ERMAP: variants seen among roughly 807,000 people sequenced by gnomAD.
ERMAP encodes the protein erythroblast membrane associated protein (Scianna blood group), also known as erythroid membrane-associated protein.
ERMAP carries 34 observed loss-of-function variants against 49.5 expected under a neutral mutation model. The ratio of observed to expected loss-of-function variants is 0.69; its 90% CI spans 0.52 to 0.91. ERMAP has a LOEUF of 0.91. Among genes scored for constraint, ERMAP ranks in the 40% least tolerant of loss-of-function variants. The pLI is 0.00. For synonymous variants in ERMAP, 214 were observed against 232.2 expected (o/e 0.92, Z 0.71); for missense variants, 541 against 582.6 (o/e 0.93, Z 0.74).
intron 1 of ERMAP, 129 bp from the exon 2 acceptor site, chr1:42,825,494 A>AG (rs2124292284): frequency 1.7e-6 from 2 of 1,175,712 alleles, no homozygotes; most frequent in East Asian, 1.2e-4. Flanking sequence ...TTCTTTTATC[A>AG]GGGGCATACA....
intron 2 of ERMAP, among the ~76,000 whole-genome samples, chr1:42,829,042 C>CT (rs780227979): frequency 5.9e-5 from 9 of 152,088 alleles, no homozygotes; most frequent in Non-Finnish European, 8.8e-5. Context: ...AAATAGAGAG[C>CT]TTTTCTCATT....
intron 1 of ERMAP, chr1:42,817,673 C>G (rs1654284391): frequency 1.3e-5 from 2 of 152,722 alleles, no homozygotes; most frequent in African/African-American, 4.8e-5. Context: ...TTGGGAGGAT[C>G]AAGTGAGATC....
At chr1:42,820,433 C>T (rs1654377638) in intron 1 of ERMAP, among the ~76,000 whole-genome samples, 1 of 148,734 alleles carries the variant, frequency 6.7e-6, no homozygotes, top group Non-Finnish European at 1.5e-5. Flanking sequence ...CTATGTTGGC[C>T]AGGCTAGTCT....
At chr1:42,841,857 C>A (rs1655065453) in intron 11 of ERMAP, 1 of 152,258 alleles carries the variant, frequency 6.6e-6, no homozygotes, top group Admixed American at 6.5e-5. Context: ...GTGTCTTACT[C>A]TGTTTTCTGT....
intron 8 of ERMAP, 112 bp from the exon 9 acceptor site, chr1:42,839,921 T>C: frequency 1.9e-6 from 2 of 1,073,706 alleles, no homozygotes; most frequent in African/African-American, 1.6e-5. Context: ...AGTTCCAGGG[T>C]ATAGCTATTG....
chr1:42,842,807 C>T lies in ERMAP; in HGVS notation c.1003C>T (p.Arg335Cys), dbSNP rs757853694. The T allele has an allele frequency of 1.3e-4, 203 of 1,614,042 alleles. No individual in the cohort carries two copies. The highest frequency in any genetic ancestry group is 1.6e-4 in the Non-Finnish European group (194 of 1,180,042). The change falls in exon 12 of 12, where the codon CGT becomes TGT. Residue 335 changes from arginine (R) to cysteine (C), a missense_variant. Physicochemically the swap from Arg to Cys is radical, Grantham distance 180 (BLOSUM62 -3). Coordinates refer to ENST00000372517, the MANE Select transcript of ERMAP (RefSeq NM_001017922.2). ...TGGACACTGGCTTCTGCGACAGAGT[C>T]GTGGGAATGAGTATGAAGCTCTCAC... The part of the protein sequence containing the change: ...ANGHWLLRQS[R>C]GNEYEALTSP...
intron 11 of ERMAP, 59 bp downstream of exon 11, chr1:42,840,355 T>A (rs1655021951): frequency 6.2e-7 from 1 of 1,606,136 alleles, no homozygotes; most frequent in East Asian, 2.2e-5. Context: ...TATGGCTTTG[T>A]AACCTTAGAT....
In ERMAP at chr1:42,829,740, C is replaced by G. The variant is rs1654658499; in HGVS notation, c.-5-704C>G. On this transcript the variant is annotated intron_variant, in intron 2 of 11. Coordinates refer to ENST00000372517, the MANE Select transcript of ERMAP (RefSeq NM_001017922.2). ...TTGGCAGGCAGTATCTTTTTGAACC[C>G]TCACACTCATCTGTGAGGACAGTTT... Among the ~76,000 whole-genome samples, 3 of 152,158 alleles carry G rather than the reference C, an allele frequency of 2.0e-5. No individual in the cohort carries two copies. The South Asian group carries it at 6.2e-4, about 31-fold the overall frequency.
intron 2 of ERMAP, 114 bp downstream of exon 2, chr1:42,825,852 T>A: frequency 8.5e-7 from 1 of 1,180,902 alleles, no homozygotes. Context: ...TTTTCAAGGG[T>A]GAAATGGGGC....
At chr1:42,830,314 G>C in intron 2 of ERMAP, 130 bp from the exon 3 acceptor site, 2 of 719,710 alleles carry the variant, frequency 2.8e-6, no homozygotes, top group Non-Finnish European at 4.9e-6. Context: ...TAGCAGAGCT[G>C]GGATTGGAGC....
intron 2 of ERMAP, 57 bp from the exon 3 acceptor site, chr1:42,830,387 C>A (rs1255289420): frequency 4.4e-5 from 66 of 1,502,574 alleles, no homozygotes; most frequent in Non-Finnish European, 7.4e-6. Flanking sequence ...TGGGTTATAC[C>A]CTCTGTCACG....
In ERMAP at chr1:42,817,146, G is replaced by A; in HGVS notation, c.-229G>A. 1 of 1,199,336 alleles carries A rather than the reference G, an allele frequency of 8.3e-7. No homozygotes were observed. 74.3% of individuals were successfully genotyped at this position (1,199,336 alleles called of 1,614,324 possible). Reference sequence around the variant, plus strand: ...CCTCTTCCCTCTCCTGGAGGAAAATGGCGGTCGCTGGAGCCGCCGACCAAG... The same window carrying A: ...CCTCTTCCCTCTCCTGGAGGAAAATAGCGGTCGCTGGAGCCGCCGACCAAG... On this transcript the variant is annotated 5_prime_UTR_variant, in exon 1 of 12. The change abolishes an upstream ATG in the 5' untranslated region. Coordinates refer to ENST00000372517, the MANE Select transcript of ERMAP (RefSeq NM_001017922.2).
intron 2 of ERMAP, 93 bp downstream of exon 2, chr1:42,825,831 G>C: frequency 2.4e-6 from 3 of 1,235,372 alleles, no homozygotes; most frequent in Non-Finnish European, 3.1e-6. Context: ...TTCTCCTTAC[G>C]CACAAGAACA....
chr1:42,843,139 AC>A lies in ERMAP; in HGVS notation c.1340del (p.Pro447ArgfsTer6), dbSNP rs1471796546. 1 of 1,613,718 alleles carries A rather than the reference AC, an allele frequency of 6.2e-7. No homozygotes were observed. The highest frequency in any genetic ancestry group is 1.1e-5 in the South Asian group (1 of 91,044). On this transcript the variant is annotated frameshift_variant, in exon 12 of 12. Transcript: ENST00000372517. LOFTEE classifies it high-confidence loss of function. ...CCCTCAAGGTGAACTCTTCTTTACT[AC>A]CCCCGAAGGCCCCAGAGCTGAAGGA... ...VSLKVNSSLL[P>X]PKAPELKDII...
At chr1:42,822,002 G>A (rs1186255341) in intron 1 of ERMAP, among the ~76,000 whole-genome samples, 1 of 143,518 alleles carries the variant, frequency 7.0e-6, no homozygotes, top group Non-Finnish European at 1.5e-5. Flanking sequence ...AACAGAGCTA[G>A]ACCCTAGCTC....
intron 4 of ERMAP, among the ~76,000 whole-genome samples, chr1:42,834,237 C>A (rs1003106071): frequency 1.3e-5 from 2 of 152,298 alleles, no homozygotes; most frequent in Non-Finnish European, 2.9e-5. Context: ...TTCTCTCCTG[C>A]CTAGGCTTCA....
intron 4 of ERMAP, among the ~76,000 whole-genome samples, chr1:42,834,320 T>C (rs1654831635): frequency 1.3e-5 from 2 of 152,218 alleles, no homozygotes; most frequent in African/African-American, 2.4e-5. Context: ...GGTTGCTGCC[T>C]GCTCTTCTAG....
chr1:42,835,311 G>GACA, intron 5 of ERMAP, 157 bp downstream of exon 5: 1 of 623,428 alleles, frequency 1.6e-6, no homozygotes, highest in African/African-American at 1.8e-5. Flanking sequence ...ATGCCCTGGG[G>GACA]ACACACATTG....
rs147125182 is a variant in ERMAP, at chr1:42,835,041, C to A, written c.437C>A (p.Pro146Gln). 2 of 1,321,556 alleles carry A rather than the reference C, an allele frequency of 1.5e-6. No individual in the cohort carries two copies. Among genetic ancestry groups the A allele is most frequent in the Non-Finnish European group, 2.2e-6 (2 of 912,884 alleles). 81.9% of individuals were successfully genotyped at this position (1,321,556 alleles called of 1,614,324 possible). A position where few individuals can be genotyped will look rare whatever the true frequency, so the allele number is the denominator to read the frequency against. The change falls in exon 5 of 12, where the codon CCA (proline) becomes CAA (glutamine). Residue 146 changes from proline (P) to glutamine (Q), a missense_variant. Coordinates refer to ENST00000372517, the MANE Select transcript of ERMAP (RefSeq NM_001017922.2). Reference sequence around the variant, plus strand: ...TCGTTGGTGGTTTCTGTTTCAGCCCCATCTGTGGGGAGTCTCTCCCCCTCA... The same window carrying A: ...TCGTTGGTGGTTTCTGTTTCAGCCCAATCTGTGGGGAGTCTCTCCCCCTCA... ...EDTVILQVAA[P>Q]SVGSLSPSAV...
Sources: allele counts gnomAD v4.1 joint callset (sites outside exome capture counted in the v4.1 genomes callset), GRCh38; gene constraint gnomAD v4.1.1; transcripts MANE v1.5; gene names NCBI Gene and HGNC (gene_info 2026-07-23, HGNC 2026-07-21).